NAALADL2: variants seen among roughly 807,000 people sequenced by gnomAD.
NAALADL2 encodes N-acetylated alpha-linked acidic dipeptidase like 2, also known as inactive N-acetylated-alpha-linked acidic dipeptidase-like protein 2.
NAALADL2 carries 76 observed loss-of-function variants against 87.2 expected under a neutral mutation model. The ratio of observed to expected loss-of-function variants is 0.87; its 90% confidence interval spans 0.72 to 1.05. The LOEUF (loss-of-function observed/expected upper bound fraction) is 1.05. NAALADL2 is among the 50% of genes least tolerant of loss of function. The pLI is 0.00. For synonymous variants in NAALADL2, 354 were observed against 331.0 expected, an observed-to-expected ratio of 1.07 and a Z score of -0.75; for missense variants, 1,089 against 945.8, an observed-to-expected ratio of 1.15 and a Z score of -1.99.
Position 175,324,232 on chromosome 3 carries a change from G to A in NAALADL2, c.997G>A (p.Asp333Asn), listed in dbSNP as rs368580899. ...TGTTCTTCTGTATATCGATCCTTGT[G>A]ATTTGCCAAAGACTGTGAATCCTAG... The part of the protein sequence containing the change: ...GGVLLYIDPC[D>N]LPKTVNPSHD... Residue 333 changes from aspartate to asparagine, a missense_variant, in exon 5 of 14, where the codon GAT (aspartate) becomes AAT (asparagine). By Grantham distance (23) the Asp-to-Asn change is conservative (BLOSUM62 1). Coordinates refer to ENST00000454872, the MANE Select transcript of NAALADL2 (RefSeq NM_207015.3). 1.9e-6 allele frequency: 3 copies of A among 1,613,578 alleles called. No individual in the cohort carries two copies. Among genetic ancestry groups the A allele is most frequent in the Admixed American group, 1.7e-5 (1 of 59,974 alleles).
intron 1 of NAALADL2, among the ~76,000 whole-genome samples, chr3:175,004,376 C>CAAAAAAAAAAAAAA (rs538715061): frequency 1.2e-4 from 4 of 33,838 alleles, no homozygotes; most frequent in East Asian, 9.8e-4. Flanking sequence ...GAGACTATTT[C>CAAAAAAAAAAAAAA]AAAAAAAAAA....
intron 1 of NAALADL2, among the ~76,000 whole-genome samples, chr3:174,987,529 A>G (rs1462640744): frequency 2.6e-5 from 3 of 117,174 alleles, no homozygotes; most frequent in Admixed American, 2.1e-4. Flanking sequence ...AGATTGCGCC[A>G]CTGCACTCCA....
chr3:175,019,454 TGCTCATAA>T (rs1219251093), intron 1 of NAALADL2, among the ~76,000 whole-genome samples: 1 of 152,100 alleles, frequency 6.6e-6, no homozygotes, highest in African/African-American at 2.4e-5. Flanking sequence ...TTGTTTTCAT[TGCTCATAA>T]GCTTCAGCTA....
chr3:175,794,932 C>G (rs914750651), intron 13 of NAALADL2, among the ~76,000 whole-genome samples: 12 of 152,176 alleles, frequency 7.9e-5, no homozygotes, highest in Non-Finnish European at 1.5e-4. Context: ...GCCAGCCTGG[C>G]CCGGTTCTGG....
intron 6 of NAALADL2, among the ~76,000 whole-genome samples, chr3:175,452,373 G>A (rs1245412004): frequency 6.6e-6 from 1 of 151,678 alleles, no homozygotes; most frequent in Non-Finnish European, 1.5e-5. Context: ...AAACCTTTTT[G>A]GCCATAACAA....
At chr3:175,574,570 G>T (rs1382714708) in intron 9 of NAALADL2, among the ~76,000 whole-genome samples, 1 of 152,096 alleles carries the variant, frequency 6.6e-6, no homozygotes, top group African/African-American at 2.4e-5. Flanking sequence ...CTTGTGTCTG[G>T]TTACAGGAAC....
chr3:175,533,484 G>T (rs528972006), intron 9 of NAALADL2, among the ~76,000 whole-genome samples: 35 of 152,250 alleles, frequency 2.3e-4, no homozygotes, highest in African/African-American at 8.4e-4. Context: ...CCTCAGAAAG[G>T]CTGATGGCAG....
intron 2 of NAALADL2, among the ~76,000 whole-genome samples, chr3:174,646,741 C>G (rs55724099): frequency 4.1e-3 from 620 of 152,062 alleles, no homozygotes; most frequent in Middle Eastern, 6.8e-3. Flanking sequence ...ATGCTGAAAG[C>G]AAATATTTAT....
At chr3:175,332,445 G>T (rs1761510815) in intron 5 of NAALADL2, among the ~76,000 whole-genome samples, 1 of 152,110 alleles carries the variant, frequency 6.6e-6, no homozygotes, top group Admixed American at 6.5e-5. Context: ...GGACCAAAGG[G>T]ATGTGCCACC....
intron 10 of NAALADL2, among the ~76,000 whole-genome samples, chr3:175,602,710 A>C (rs1322541686): frequency 6.6e-6 from 1 of 152,190 alleles, no homozygotes; most frequent in African/African-American, 2.4e-5. Context: ...GCTGTGATTC[A>C]GCGTTATCAG....
rs371053099 is a variant in NAALADL2, at chr3:174,764,764, A to T, written c.-9+27018A>T. Among the ~76,000 whole-genome samples, 6 of 152,208 alleles carry T rather than the reference A, an allele frequency of 3.9e-5. No homozygotes were observed. In the East Asian group the frequency reaches 7.7e-4, roughly 20 times the overall value. On this transcript the variant is annotated intron_variant, in intron 3 of 3. Transcript: ENST00000434257. The stretch of plus-strand genomic sequence containing the variant: ...GGCTACCAGGTAATTTTTGGGTTAG[A>T]TGAGAATAAGGACCTGTACTCTGGC...
intron 2 of NAALADL2, among the ~76,000 whole-genome samples, chr3:174,677,197 AC>A (rs1394127099): frequency 6.6e-6 from 1 of 151,960 alleles, no homozygotes. Context: ...TCATCATTTG[AC>A]ACATATGTTT....
chr3:174,618,726 A>T (rs1720718565), intron 2 of NAALADL2, among the ~76,000 whole-genome samples: 1 of 151,190 alleles, frequency 6.6e-6, no homozygotes, highest in Admixed American at 6.6e-5. Context: ...ACTTATATAT[A>T]AGTTGAATGG....
chr3:174,768,810 G>A (rs1714174339), intron 3 of NAALADL2, among the ~76,000 whole-genome samples: 1 of 151,842 alleles, frequency 6.6e-6, no homozygotes, highest in South Asian at 2.1e-4. Flanking sequence ...GTACTTTATT[G>A]TCATATAATT....
chr3:174,698,130 A>C (rs1053192119), intron 2 of NAALADL2, among the ~76,000 whole-genome samples: 2 of 152,144 alleles, frequency 1.3e-5, no homozygotes, highest in Non-Finnish European at 2.9e-5. Flanking sequence ...AAAACCGATA[A>C]AAATAAATGT....
chr3:175,598,253 G>T (rs1214259620), intron 10 of NAALADL2, among the ~76,000 whole-genome samples: 1 of 151,952 alleles, frequency 6.6e-6, no homozygotes, highest in Non-Finnish European at 1.5e-5. Context: ...ATTACATACA[G>T]TAGGCTGAAT....
At chr3:175,618,317 G>A (rs1007649341) in intron 10 of NAALADL2, among the ~76,000 whole-genome samples, 5 of 152,098 alleles carry the variant, frequency 3.3e-5, no homozygotes, top group African/African-American at 1.2e-4. Context: ...GGACCTGCCT[G>A]AAACGAGGAT....
intron 1 of NAALADL2, among the ~76,000 whole-genome samples, chr3:174,927,588 C>A (rs971890618): frequency 6.6e-6 from 1 of 152,164 alleles, no homozygotes; most frequent in Non-Finnish European, 1.5e-5. Flanking sequence ...GGAAACTGAA[C>A]AACCTGCTCC....
intron 11 of NAALADL2, among the ~76,000 whole-genome samples, chr3:175,660,106 A>C (rs1290184950): frequency 1.3e-5 from 2 of 152,096 alleles, no homozygotes; most frequent in African/African-American, 4.8e-5. Context: ...AAGAGCCAAC[A>C]AGCCTCTAGG....
Sources: gnomAD v4.1 joint callset for allele counts (sites outside exome capture counted in the v4.1 genomes callset) on GRCh38, gnomAD v4.1.1 for gene constraint, MANE v1.5 for transcripts, NCBI Gene and HGNC (gene_info 2026-07-23, HGNC 2026-07-21) for gene names.